RUNDC3B: variants seen among roughly 807,000 people sequenced by gnomAD.
RUNDC3B encodes RUN domain-containing protein 3B.
Under a neutral mutation model 58.4 loss-of-function variants are expected in RUNDC3B, and 33 were observed. That is an observed-to-expected ratio of 0.56 (90% CI 0.43 to 0.75). The LOEUF (loss-of-function observed/expected upper bound fraction) is 0.75, where lower values mean the gene tolerates loss of function less well. Ranked by LOEUF, RUNDC3B falls within the 30% of genes least tolerant of loss-of-function variation. RUNDC3B has a pLI of 0.00. For synonymous variants in RUNDC3B, 193 were observed against 195.2 expected, an observed-to-expected ratio of 0.99 and a Z score of 0.10; for missense variants, 501 against 535.7, an observed-to-expected ratio of 0.94 and a Z score of 0.64.
At chr7:87,815,715 A>G (rs1345774790) in intron 9 of RUNDC3B, among the ~76,000 whole-genome samples, 1 of 152,140 alleles carries the variant, frequency 6.6e-6, no homozygotes, top group Non-Finnish European at 1.5e-5. Flanking sequence ...TGTCAAGGCC[A>G]TCTGTAATAA....
intron 2 of RUNDC3B, among the ~76,000 whole-genome samples, chr7:87,662,302 G>T (rs1360699160): frequency 6.6e-6 from 1 of 151,924 alleles, no homozygotes; most frequent in Admixed American, 6.6e-5. Flanking sequence ...GTTCTTATGG[G>T]GTGTCAGTCA....
At chr7:87,802,939 CG>C (rs1332225563) in intron 8 of RUNDC3B, among the ~76,000 whole-genome samples, 3 of 151,934 alleles carry the variant, frequency 2.0e-5, no homozygotes, top group African/African-American at 7.3e-5. Context: ...GAGCCATGAT[CG>C]TATCACTGCA....
rs370887496 is a variant in RUNDC3B at position 87,687,072 on chromosome 7, G to A, written c.239-13349G>A. Among the ~76,000 whole-genome samples the A allele has an allele frequency of 1.8e-4, 27 of 152,138 alleles. No homozygotes were observed. The South Asian group carries it at 2.7e-3, about 15-fold the overall frequency. The stretch of plus-strand genomic sequence containing the variant: ...TAAATGTAAGACACTGTTAAATTGC[G>A]TATAATTTAATCTGCTAATTATACT... On this transcript the variant is annotated intron_variant, in intron 2 of 10. Coordinates refer to ENST00000394654, the MANE Select transcript of RUNDC3B (RefSeq NM_001134405.2).
chr7:87,669,613 T>C (rs745638290), intron 2 of RUNDC3B, among the ~76,000 whole-genome samples: 7 of 152,218 alleles, frequency 4.6e-5, no homozygotes, highest in Non-Finnish European at 8.8e-5. Flanking sequence ...CTGGTATTGG[T>C]CTTTCCTTTC....
At chr7:87,643,085 T>G (rs1822612537) in intron 1 of RUNDC3B, among the ~76,000 whole-genome samples, 2 of 152,106 alleles carry the variant, frequency 1.3e-5, no homozygotes, top group Non-Finnish European at 1.5e-5. Context: ...CCTGACTAAT[T>G]TTTACATTTC....
chr7:87,784,125 A>T (rs1255443279), intron 8 of RUNDC3B, among the ~76,000 whole-genome samples: 3 of 151,902 alleles, frequency 2.0e-5, no homozygotes, highest in Non-Finnish European at 4.4e-5. Context: ...TTGTCATTCA[A>T]CTCTTAGATC....
intron 10 of RUNDC3B, among the ~76,000 whole-genome samples, chr7:87,817,404 A>G (rs1277675041): frequency 1.3e-5 from 2 of 152,170 alleles, no homozygotes; most frequent in Admixed American, 6.5e-5. Context: ...AATGGCTTTC[A>G]ATGGCAATTA....
At chr7:87,720,457 A>G (rs1453218160) in intron 4 of RUNDC3B, among the ~76,000 whole-genome samples, 1 of 152,096 alleles carries the variant, frequency 6.6e-6, no homozygotes, top group Non-Finnish European at 1.5e-5. Context: ...AAAAATCTAC[A>G]TAGTAACTTA....
At chr7:87,631,032 T>C (rs142703921) in intron 1 of RUNDC3B, among the ~76,000 whole-genome samples, 1 of 152,356 alleles carries the variant, frequency 6.6e-6, no homozygotes, top group Non-Finnish European at 1.5e-5. Context: ...CTAACTTTAG[T>C]TACAGTTTAC....
intron 6 of RUNDC3B, among the ~76,000 whole-genome samples, chr7:87,750,218 T>G (rs1832886255): frequency 6.6e-6 from 1 of 152,222 alleles, no homozygotes; most frequent in African/African-American, 2.4e-5. Flanking sequence ...TTATCATTTT[T>G]TATGGCTTCA....
At position 87,798,070 on chromosome 7, in the gene RUNDC3B, T is replaced by C. The variant is rs189171529; in HGVS notation, c.957-9303T>C. Among the ~76,000 whole-genome samples, 26 of 152,312 alleles carry C rather than the reference T, an allele frequency of 1.7e-4. No homozygotes were observed. In the East Asian group the frequency reaches 3.9e-3, roughly 23 times the overall value. On this transcript the variant is annotated intron_variant, in intron 8 of 10. Transcript: ENST00000394654. The stretch of plus-strand genomic sequence containing the variant: ...TCATTTAACTAAGAGTTGGAGGTGC[T>C]TGCTCTCTATTTACTCCATCTTTGT...
intron 2 of RUNDC3B, among the ~76,000 whole-genome samples, chr7:87,657,456 C>T (rs902129810): frequency 2.0e-5 from 3 of 152,146 alleles, no homozygotes; most frequent in African/African-American, 7.2e-5. Context: ...GAATGGGAAG[C>T]TTAGAATTCC....
intron 2 of RUNDC3B, among the ~76,000 whole-genome samples, chr7:87,655,597 G>A (rs563749703): frequency 6.6e-6 from 1 of 152,252 alleles, no homozygotes; most frequent in East Asian, 1.9e-4. Context: ...TTGGTTAAAG[G>A]ATATAAAAAT....
At chr7:87,748,402 G>C (rs1215454786) in intron 6 of RUNDC3B, among the ~76,000 whole-genome samples, 1 of 152,134 alleles carries the variant, frequency 6.6e-6, no homozygotes, top group Non-Finnish European at 1.5e-5. Context: ...CTCGGGATTG[G>C]TAGGCTTTTT....
chr7:87,749,984 C>T (rs1374606841), intron 6 of RUNDC3B, among the ~76,000 whole-genome samples: 1 of 151,864 alleles, frequency 6.6e-6, no homozygotes, highest in Non-Finnish European at 1.5e-5. Context: ...CCCACTAACT[C>T]GTCATCTAGC....
chr7:87,819,167 G>A (rs550364761), intron 10 of RUNDC3B, among the ~76,000 whole-genome samples: 3 of 152,224 alleles, frequency 2.0e-5, no homozygotes, highest in Admixed American at 6.5e-5. Context: ...CAGCTAGTCC[G>A]ACTGATTATT....
chr7:87,738,409 C>G (rs1286745308), intron 4 of RUNDC3B, among the ~76,000 whole-genome samples: 1 of 151,904 alleles, frequency 6.6e-6, no homozygotes, highest in East Asian at 1.9e-4. Flanking sequence ...TTATATAAAT[C>G]AGTAAAAGCA....
intron 4 of RUNDC3B, among the ~76,000 whole-genome samples, chr7:87,715,654 A>C (rs954399439): frequency 6.6e-6 from 1 of 151,096 alleles, no homozygotes; most frequent in Non-Finnish European, 1.5e-5. Context: ...GCATTTCATC[A>C]TAGGAAGGAC....
intron 6 of RUNDC3B, among the ~76,000 whole-genome samples, chr7:87,757,106 G>A: frequency 6.6e-6 from 1 of 152,078 alleles, no homozygotes; most frequent in Non-Finnish European, 1.5e-5. Flanking sequence ...AACATAGTCA[G>A]CACCGTGAAA....
Sources: allele counts gnomAD v4.1 joint callset (sites outside exome capture counted in the v4.1 genomes callset), GRCh38; gene constraint gnomAD v4.1.1; transcripts MANE v1.5; gene names NCBI Gene and HGNC (gene_info 2026-07-23, HGNC 2026-07-21).